The following KHDRBS2 variants were observed in gnomAD, a reference collection of about 807,000 sequenced individuals.
KHDRBS2 encodes the protein KH domain-containing, RNA-binding, signal transduction-associated protein 2.
KHDRBS2 carries 26 observed loss-of-function variants against 44.3 expected under a neutral mutation model. The observed-to-expected ratio is 0.59, with a 90% CI of 0.43 to 0.81. The LOEUF (loss-of-function observed/expected upper bound fraction) is 0.81, where lower values mean the gene tolerates loss of function less well. Among genes scored for constraint, KHDRBS2 ranks in the 40% least tolerant of loss-of-function variants. The probability of loss-of-function intolerance (pLI) is 0.00; values close to 1 mark genes in which losing one functional copy is unlikely to be tolerated. For synonymous variants in KHDRBS2, 194 were observed against 151.1 expected (o/e 1.28, Z -2.08); for missense variants, 476 against 433.1 (o/e 1.10, Z -0.88).
chr6:62,253,789 A>G (rs573454), intron 1 of KHDRBS2, among the ~76,000 whole-genome samples: 33,077 of 151,918 alleles, frequency 0.22, 4,785 homozygotes, highest in African/African-American at 0.42. Context: ...TTCCTTAAAT[A>G]ATCTTAAATT....
intron 4 of KHDRBS2, among the ~76,000 whole-genome samples, chr6:61,964,298 C>T (rs1769414739): frequency 6.6e-6 from 1 of 152,016 alleles, no homozygotes; most frequent in Non-Finnish European, 1.5e-5. Context: ...AGCCTGTTCA[C>T]ATTGTAAGAG....
chr6:62,151,779 C>G (rs1333196816), intron 2 of KHDRBS2, among the ~76,000 whole-genome samples: 8 of 152,114 alleles, frequency 5.3e-5, no homozygotes, highest in African/African-American at 1.9e-4. Flanking sequence ...ATTGTCCTAG[C>G]AAAGAAGTAG....
At chr6:61,764,639 C>CT (rs1346217058) in intron 6 of KHDRBS2, among the ~76,000 whole-genome samples, 1 of 152,006 alleles carries the variant, frequency 6.6e-6, no homozygotes, top group Admixed American at 6.6e-5. Flanking sequence ...TGATATCGAG[C>CT]TTTTTTTCAT....
chr6:62,070,487 C>CT (rs1485248844), intron 2 of KHDRBS2, among the ~76,000 whole-genome samples: 1 of 151,978 alleles, frequency 6.6e-6, no homozygotes, highest in African/African-American at 2.4e-5. Context: ...TATCCCTCCC[C>CT]CCTCCTCCCA....
At chr6:61,652,946 A>G in the KHDRBS2 span, among the ~76,000 whole-genome samples, 1 of 152,118 alleles carries the variant, frequency 6.6e-6, no homozygotes, top group African/African-American at 2.4e-5. Flanking sequence ...CTCTGAGTCT[A>G]ATTGGGTAGA....
chr6:62,137,290 C>G (rs965101727), intron 2 of KHDRBS2, among the ~76,000 whole-genome samples: 1 of 152,038 alleles, frequency 6.6e-6, no homozygotes, highest in Non-Finnish European at 1.5e-5. Flanking sequence ...CGTGAGCCAC[C>G]GCGCCCAGCT....
intron 2 of KHDRBS2, among the ~76,000 whole-genome samples, chr6:62,145,972 T>C (rs1339269141): frequency 6.6e-6 from 1 of 151,934 alleles, no homozygotes; most frequent in Non-Finnish European, 1.5e-5. Flanking sequence ...ATTATGTATA[T>C]GCAAATATTT....
At chr6:61,728,920 G>A (rs1459474998) in intron 7 of KHDRBS2, among the ~76,000 whole-genome samples, 1 of 152,068 alleles carries the variant, frequency 6.6e-6, no homozygotes, top group Admixed American at 6.6e-5. Flanking sequence ...ACAATGTAAT[G>A]ATTCTTCAAA....
At chr6:61,735,876 G>A (rs1279660165) in intron 6 of KHDRBS2, among the ~76,000 whole-genome samples, 1 of 151,984 alleles carries the variant, frequency 6.6e-6, no homozygotes, top group Non-Finnish European at 1.5e-5. Context: ...TGTTAAAGTT[G>A]AGAATTCCTA....
chr6:61,945,137 A>G (rs184370772), intron 4 of KHDRBS2, among the ~76,000 whole-genome samples: 1,513 of 104,596 alleles, frequency 0.014, 242 homozygotes, highest in African/African-American at 0.052. Flanking sequence ...ATATATATAT[A>G]TATATATATA....
chr6:61,666,090 T>C, the KHDRBS2 span, among the ~76,000 whole-genome samples: 1 of 151,326 alleles, frequency 6.6e-6, no homozygotes, highest in Admixed American at 6.6e-5. Flanking sequence ...ATTGACTAAA[T>C]GCAGCTGTAA....
intron 3 of KHDRBS2, among the ~76,000 whole-genome samples, chr6:62,003,065 C>A (rs1778559706): frequency 6.6e-6 from 1 of 151,472 alleles, no homozygotes; most frequent in African/African-American, 2.4e-5. Flanking sequence ...ACTTTTTTTT[C>A]CAACTGATTA....
chr6:62,264,751 T>C (rs1031798869), intron 1 of KHDRBS2, among the ~76,000 whole-genome samples: 1 of 151,778 alleles, frequency 6.6e-6, no homozygotes, highest in Non-Finnish European at 1.5e-5. Context: ...TTTTGAATCA[T>C]ATATATGATA....
At chr6:61,660,317 A>C in the KHDRBS2 span, among the ~76,000 whole-genome samples, 2 of 151,798 alleles carry the variant, frequency 1.3e-5, no homozygotes, top group East Asian at 3.9e-4. Context: ...AACTCCTCTG[A>C]GACAAAATGG....
intron 2 of KHDRBS2, among the ~76,000 whole-genome samples, chr6:62,087,556 T>C (rs1281492399): frequency 6.6e-6 from 1 of 152,128 alleles, no homozygotes; most frequent in Non-Finnish European, 1.5e-5. Context: ...GTAAAATATT[T>C]CCAAATAGGA....
chr6:61,727,801 A>C (rs558920787), intron 7 of KHDRBS2, among the ~76,000 whole-genome samples: 48 of 152,202 alleles, frequency 3.2e-4, no homozygotes, highest in African/African-American at 1.1e-3. Context: ...GCAGGCAAAA[A>C]CAAACACTTT....
intron 6 of KHDRBS2, among the ~76,000 whole-genome samples, chr6:61,878,541 G>A (rs1251867014): frequency 3.3e-5 from 5 of 151,990 alleles, no homozygotes; most frequent in Non-Finnish European, 7.4e-5. Flanking sequence ...GAGCTAGACC[G>A]CTGGTTTTGA....
At chr6:62,150,615 T>G (rs1480868622) in intron 2 of KHDRBS2, among the ~76,000 whole-genome samples, 2 of 152,206 alleles carry the variant, frequency 1.3e-5, no homozygotes, top group African/African-American at 4.8e-5. Flanking sequence ...GATTGGAATC[T>G]GAATTATTTA....
chr6:61,747,142 C>A (rs59299108), intron 6 of KHDRBS2, among the ~76,000 whole-genome samples: 27,836 of 151,704 alleles, frequency 0.18, 2,703 homozygotes, highest in Non-Finnish European at 0.2. Flanking sequence ...AAAAGCTCAT[C>A]ATTTCTTTGT....
Sources: gnomAD v4.1 joint callset for allele counts (sites outside exome capture counted in the v4.1 genomes callset) on GRCh38, gnomAD v4.1.1 for gene constraint, MANE v1.5 for transcripts, NCBI Gene and HGNC (gene_info 2026-07-23, HGNC 2026-07-21) for gene names.